MAST4: variants seen among roughly 807,000 people sequenced by gnomAD.
MAST4 encodes microtubule-associated serine/threonine-protein kinase 4.
Under a neutral mutation model 162.7 loss-of-function variants are expected in MAST4, and 89 were observed. The ratio of observed to expected loss-of-function variants is 0.55; its 90% CI spans 0.46 to 0.65. MAST4 has a LOEUF of 0.65. Ranked by LOEUF, MAST4 falls within the 30% of genes least tolerant of loss-of-function variation. MAST4 has a pLI of 0.00. For missense variants in MAST4, 3,153 were observed against 3,374.0 expected, an observed-to-expected ratio of 0.93 and a Z score of 1.62; for synonymous variants, 1,479 against 1,361.1, an observed-to-expected ratio of 1.09 and a Z score of -1.91.
At chr5:66,829,959 C>T (rs2149754520) in intron 3 of MAST4, among the ~76,000 whole-genome samples, 1 of 152,252 alleles carries the variant, frequency 6.6e-6, no homozygotes, top group South Asian at 2.1e-4. Context: ...CAGACTACCT[C>T]CTTAATGAAT....
chr5:66,977,834 T>C (rs1389134671), intron 4 of MAST4, among the ~76,000 whole-genome samples: 1 of 152,254 alleles, frequency 6.6e-6, no homozygotes, highest in Non-Finnish European at 1.5e-5. Context: ...GTCAGTTCTG[T>C]GTATAGGTTT....
chr5:66,893,927 T>G (rs1762520028), intron 3 of MAST4, among the ~76,000 whole-genome samples: 1 of 152,206 alleles, frequency 6.6e-6, no homozygotes, highest in South Asian at 2.1e-4. Flanking sequence ...TACAAGTGAC[T>G]CTCAGAAATG....
intron 2 of MAST4, among the ~76,000 whole-genome samples, chr5:66,785,561 T>C (rs1003976368): frequency 1.3e-5 from 2 of 152,146 alleles, no homozygotes; most frequent in Admixed American, 1.3e-4. Context: ...ACCTATCCCA[T>C]ACGATTGTTA....
intron 3 of MAST4, among the ~76,000 whole-genome samples, chr5:66,860,311 T>C (rs16895744): frequency 0.11 from 16,751 of 152,214 alleles, 1,060 homozygotes; most frequent in East Asian, 0.24. Context: ...TGCTAACTAT[T>C]TAAAAAATCA....
chr5:66,955,527 C>A (rs747351871), intron 4 of MAST4, among the ~76,000 whole-genome samples: 4 of 152,180 alleles, frequency 2.6e-5, no homozygotes, highest in Admixed American at 2.0e-4. Context: ...CAAACATACA[C>A]TGAAGTACAG....
intron 3 of MAST4, among the ~76,000 whole-genome samples, chr5:66,876,433 A>G (rs1352856419): frequency 6.6e-6 from 1 of 152,146 alleles, no homozygotes; most frequent in Non-Finnish European, 1.5e-5. Flanking sequence ...ACACAGGCCA[A>G]GAAGAGGTGG....
chr5:67,082,186 G>A (rs1762740673), intron 5 of MAST4, among the ~76,000 whole-genome samples: 1 of 128,296 alleles, frequency 7.8e-6, no homozygotes, highest in African/African-American at 3.0e-5. Context: ...GTCTCACTCT[G>A]TCGTCAGGCT....
At chr5:67,001,008 T>C (rs938211705) in intron 4 of MAST4, among the ~76,000 whole-genome samples, 4 of 152,212 alleles carry the variant, frequency 2.6e-5, no homozygotes, top group Non-Finnish European at 5.9e-5. Flanking sequence ...CCACAAAGCT[T>C]GTCCATTGTT....
At chr5:67,141,342 C>T (rs958238992) in intron 19 of MAST4, among the ~76,000 whole-genome samples, 1 of 152,008 alleles carries the variant, frequency 6.6e-6, no homozygotes, top group East Asian at 1.9e-4. Context: ...GGTGGCAGGG[C>T]GGGGATCTGA....
intron 4 of MAST4, among the ~76,000 whole-genome samples, chr5:67,008,669 G>A (rs1462915940): frequency 6.6e-6 from 1 of 152,124 alleles, no homozygotes; most frequent in Non-Finnish European, 1.5e-5. Context: ...CACGCCGATG[G>A]GTAGTTTGTG....
chr5:66,667,753 G>A (rs575410963), intron 1 of MAST4, among the ~76,000 whole-genome samples: 38 of 152,150 alleles, frequency 2.5e-4, no homozygotes, highest in Middle Eastern at 3.4e-3. Context: ...ATGGAATGTG[G>A]CTGCTGCTGC....
At chr5:66,761,330 G>T (rs1753840537) in intron 2 of MAST4, among the ~76,000 whole-genome samples, 1 of 152,138 alleles carries the variant, frequency 6.6e-6, no homozygotes, top group Admixed American at 6.5e-5. Flanking sequence ...CCCAAATTAA[G>T]ATAAGTTAAA....
At chr5:67,024,482 T>TATATATATAG in intron 4 of MAST4, among the ~76,000 whole-genome samples, 1 of 150,858 alleles carries the variant, frequency 6.6e-6, no homozygotes, top group East Asian at 2.0e-4. Flanking sequence ...TATATAGATA[T>TATATATATAG]ATACATATCT....
At chr5:66,797,604 G>C (rs1299076008) in intron 3 of MAST4, among the ~76,000 whole-genome samples, 1 of 152,146 alleles carries the variant, frequency 6.6e-6, no homozygotes, top group Non-Finnish European at 1.5e-5. Context: ...CTATAAACTA[G>C]TTGCAAGAAG....
At chr5:67,033,729 G>T (rs935458777) in intron 4 of MAST4, among the ~76,000 whole-genome samples, 4 of 152,060 alleles carry the variant, frequency 2.6e-5, no homozygotes, top group Admixed American at 2.6e-4. Context: ...TTGTTTGTTT[G>T]TTTGTTTCTC....
chr5:66,929,172 G>T (rs947645610), intron 4 of MAST4, among the ~76,000 whole-genome samples: 20 of 152,174 alleles, frequency 1.3e-4, no homozygotes, highest in African/African-American at 4.6e-4. Flanking sequence ...GAAACTAATG[G>T]TGTAATTATC....
At chr5:66,756,366 A>T (rs186406902) in intron 1 of MAST4, among the ~76,000 whole-genome samples, 35 of 152,306 alleles carry the variant, frequency 2.3e-4, no homozygotes, top group African/African-American at 8.2e-4. Flanking sequence ...ACGGAGTAGG[A>T]CCTGGCCCTC....
At chr5:66,982,720 G>A (rs959028953) in intron 4 of MAST4, among the ~76,000 whole-genome samples, 2 of 152,164 alleles carry the variant, frequency 1.3e-5, no homozygotes, top group South Asian at 4.1e-4. Context: ...GCGGATATCA[G>A]CACATCAGTT....
intron 3 of MAST4, among the ~76,000 whole-genome samples, chr5:66,872,876 C>T (rs1220122435): frequency 1.3e-5 from 2 of 152,208 alleles, no homozygotes; most frequent in African/African-American, 4.8e-5. Flanking sequence ...GGACTCAGCT[C>T]AGCATGTGCT....
Sources: gnomAD v4.1 joint callset for allele counts (sites outside exome capture counted in the v4.1 genomes callset) on GRCh38, gnomAD v4.1.1 for gene constraint, MANE v1.5 for transcripts, NCBI Gene and HGNC (gene_info 2026-07-23, HGNC 2026-07-21) for gene names.